The following USP42 variants were observed in gnomAD, a reference collection of about 807,000 sequenced individuals.
USP42 encodes ubiquitin carboxyl-terminal hydrolase 42.
A neutral mutation model predicts 113.0 loss-of-function variants in USP42; 23 were observed. The ratio of observed to expected loss-of-function variants is 0.20; its 90% confidence interval spans 0.15 to 0.29. USP42 has a LOEUF of 0.29. USP42 is among the 10% of genes least tolerant of loss of function. The pLI is 1.00. For synonymous variants in USP42, 933 were observed against 699.0 expected, an observed-to-expected ratio of 1.33 and a Z score of -5.28; for missense variants, 2,174 against 1,779.8, an observed-to-expected ratio of 1.22 and a Z score of -3.99.
intron 4 of USP42, among the ~76,000 whole-genome samples, chr7:6,138,599 C>T (rs1781278537): frequency 6.6e-6 from 1 of 152,192 alleles, no homozygotes; most frequent in Admixed American, 6.5e-5. Flanking sequence ...GGGTCCCTAA[C>T]CCCTGGGCCG....
chr7:6,095,754 C>T, the USP42 span, among the ~76,000 whole-genome samples: 2 of 151,006 alleles, frequency 1.3e-5, 1 homozygote, highest in African/African-American at 5.0e-5. Context: ...TCTGGCTTCT[C>T]CTTTACTGGA....
intron 14 of USP42, among the ~76,000 whole-genome samples, chr7:6,150,772 G>C (rs908452122): frequency 6.6e-6 from 1 of 152,108 alleles, no homozygotes; most frequent in African/African-American, 2.4e-5. Context: ...TCTGGTTAGC[G>C]GTGTTACTGG....
In USP42 at chr7:6,125,808, A is replaced by T. The variant is rs1438867134; in HGVS notation, c.443-10033A>T. Among the ~76,000 whole-genome samples the T allele has an allele frequency of 7.9e-5, 11 of 138,542 alleles. No individual in the cohort carries two copies. The South Asian group carries it at 1.6e-3, about 20-fold the overall frequency. The allele number at this position is 138,542 out of a possible 152,430, so 90.9% of individuals were successfully genotyped here. A position where few individuals can be genotyped will look rare whatever the true frequency, so the allele number is the denominator to read the frequency against. ...GGTTGTTTATTTTACTTTGTTGTTG[A>T]TTTTAGTTTTTGTTTTTTTTTTGGT... On this transcript the variant is annotated intron_variant, in intron 3 of 17. Transcript: ENST00000306177.
At chr7:6,135,288 ACT>A (rs1781069512) in intron 3 of USP42, among the ~76,000 whole-genome samples, 1 of 151,982 alleles carries the variant, frequency 6.6e-6, no homozygotes, top group Admixed American at 6.6e-5. Context: ...AAACTTTTAA[ACT>A]CTCTGAGCTT....
rs1781311252 is a variant in USP42 at position 6,139,060 on chromosome 7, G to C, written c.554-32G>C. The C allele has an allele frequency of 1.4e-6, 2 of 1,471,264 alleles. No homozygotes were observed. Among genetic ancestry groups the C allele is most frequent in the African/African-American group, 2.8e-5 (2 of 71,696 alleles). 91.1% of individuals were successfully genotyped at this position (1,471,264 alleles called of 1,614,324 possible). ...ACAACTTAGGCTTATTACGTGTAAT[G>C]ATAAAGCCTTGTCTTTACCGAAATT... On this transcript the variant is annotated intron_variant, in intron 4 of 17. Coordinates refer to ENST00000306177, the MANE Select transcript of USP42 (RefSeq NM_032172.3). The surrounding 1 kb of genome is among the most constrained non-coding windows in gnomAD (Gnocchi z 4.5).
Position 6,150,002 on chromosome 7 carries a change from C to T in USP42, c.1806C>T (p.Ser602=), listed in dbSNP as rs200731155. The T allele has an allele frequency of 1.5e-4, 246 of 1,613,342 alleles. 2 individuals are homozygous for T. Among genetic ancestry groups the T allele is most frequent in the Middle Eastern group, 6.6e-4 (4 of 6,084 alleles). ...ATGGCAAATCCAAGCTGAACTCCAG[C>T]GTGCTGGTGCCCTATGGCGCCGAGT... ...VMNGKSKLNS[S]VLVPYGAESS... The change falls in exon 13 of 18, where the codon AGC becomes AGT. Residue 602 remains serine (S), a synonymous_variant. Transcript: ENST00000306177.
chr7:6,117,488 A>G (rs1457416762), intron 3 of USP42, among the ~76,000 whole-genome samples: 1 of 152,202 alleles, frequency 6.6e-6, no homozygotes, highest in African/African-American at 2.4e-5. Context: ...GCCGTTACAA[A>G]TTAAGCTGCT....
intron 15 of USP42, among the ~76,000 whole-genome samples, chr7:6,156,027 C>T (rs950785300): frequency 5.9e-5 from 9 of 152,198 alleles, no homozygotes; most frequent in African/African-American, 2.2e-4. Flanking sequence ...AGGCATGAGC[C>T]ACCTCACCTG....
the USP42 span, among the ~76,000 whole-genome samples, chr7:6,085,493 C>G: frequency 6.7e-6 from 1 of 149,744 alleles, no homozygotes; most frequent in Non-Finnish European, 1.5e-5. Flanking sequence ...TAGTGTTGCA[C>G]ATAATTAGTG....
At position 6,154,030 on chromosome 7, in the gene USP42, G is replaced by A. The variant is rs1236949755; in HGVS notation, c.2476G>A (p.Gly826Ser). Residue 826 changes from glycine (G) to serine (S), a missense_variant, in exon 15 of 18, where the codon GGC becomes AGC. Physicochemically the swap from Gly to Ser is moderately conservative, Grantham distance 56 (BLOSUM62 0). Coordinates refer to ENST00000306177, the MANE Select transcript of USP42 (RefSeq NM_032172.3). ...CCTGTGTGATCCCGGGAGCTTAACA[G>A]GCGATGCGAGCCCGTTGTCCCAGGA... ...PDLCDPGSLT[G>S]DASPLSQDAK... 1 of 1,604,790 alleles carries A rather than the reference G, an allele frequency of 6.2e-7. No homozygotes were observed. The highest frequency in any genetic ancestry group is 1.3e-5 in the African/African-American group (1 of 74,914).
intron 3 of USP42, among the ~76,000 whole-genome samples, chr7:6,118,646 T>C (rs1780043867): frequency 6.6e-6 from 1 of 152,212 alleles, no homozygotes; most frequent in Non-Finnish European, 1.5e-5. Context: ...TGGTCCATTT[T>C]GAGTTAATTT....
In USP42 at chr7:6,153,947, C is replaced by T. The variant is rs1782230064; in HGVS notation, c.2393C>T (p.Pro798Leu). The change falls in exon 15 of 18, where the codon CCC becomes CTC. Residue 798 changes from proline to leucine, a missense_variant. Physicochemically the swap from Pro to Leu is moderately conservative, Grantham distance 98 (BLOSUM62 -3). Coordinates refer to ENST00000306177, the MANE Select transcript of USP42 (RefSeq NM_032172.3). ...EGAWEAMAVA[P>L]EEPPPSAGED... is the part of the protein sequence containing the mutation. The stretch of plus-strand genomic sequence containing the variant: ...GCCTGGGAGGCCATGGCCGTCGCCC[C>T]CGAGGAGCCTCCGCCCAGCGCCGGC... 1 of 1,598,012 alleles carries T rather than the reference C, an allele frequency of 6.3e-7. No individual in the cohort carries two copies. The highest frequency in any genetic ancestry group is 8.5e-7 in the Non-Finnish European group (1 of 1,174,902).
intron 1 of USP42, among the ~76,000 whole-genome samples, chr7:6,109,318 A>G (rs1287235133): frequency 1.3e-5 from 2 of 152,156 alleles, no homozygotes; most frequent in African/African-American, 2.4e-5. Context: ...TAGGTCAGAC[A>G]ATGTGAAGTC....
At chr7:6,091,692 C>CACACACACACACAT in the USP42 span, among the ~76,000 whole-genome samples, 1 of 149,884 alleles carries the variant, frequency 6.7e-6, no homozygotes, top group Non-Finnish European at 1.5e-5. Flanking sequence ...CACACACACA[C>CACACACACACACAT]ACACACACAC....
intron 15 of USP42, among the ~76,000 whole-genome samples, chr7:6,156,540 C>CCCAGGTTCATG (rs1782453954): frequency 6.6e-6 from 1 of 152,122 alleles, no homozygotes; most frequent in Admixed American, 6.6e-5. Flanking sequence ...GCCTCAATCT[C>CCCAGGTTCATG]CTGGGCTCAA....
intron 12 of USP42, among the ~76,000 whole-genome samples, chr7:6,148,112 T>G (rs1781826074): frequency 6.6e-6 from 1 of 151,996 alleles, no homozygotes; most frequent in African/African-American, 2.4e-5. Context: ...CCGAGACAGG[T>G]GGATCATTTG....
At chr7:6,111,542 T>C (rs1213855986) in intron 2 of USP42, among the ~76,000 whole-genome samples, 168 bp downstream of exon 2, 1 of 152,236 alleles carries the variant, frequency 6.6e-6, no homozygotes, top group African/African-American at 2.4e-5. Context: ...TGTTCGTCAT[T>C]GACTGACAAC....
chr7:6,152,747 G>C (rs943147072), intron 14 of USP42, among the ~76,000 whole-genome samples: 1 of 152,280 alleles, frequency 6.6e-6, no homozygotes, highest in South Asian at 2.1e-4. Context: ...AGGATATATC[G>C]AAAGCTCTGC....
chr7:6,135,693 A>T (rs1781101372), intron 3 of USP42, 148 bp from the exon 4 acceptor site: 2 of 366,416 alleles, frequency 5.5e-6, no homozygotes, highest in Non-Finnish European at 9.8e-6. Context: ...AAAAAAAGTA[A>T]ATGAAAATGC....
Sources: gnomAD v4.1 joint callset for allele counts (sites outside exome capture counted in the v4.1 genomes callset) on GRCh38, gnomAD v4.1.1 for gene constraint, Gnocchi (gnomAD v3.1) non-coding constraint, MANE v1.5 for transcripts, NCBI Gene and HGNC (gene_info 2026-07-23, HGNC 2026-07-21) for gene names.